The following FBXL7 variants were observed in gnomAD, a reference collection of about 807,000 sequenced individuals.
The protein encoded by FBXL7 is F-box and leucine rich repeat protein 7.
In FBXL7, 12 loss-of-function variants were observed where a neutral mutation model predicts 38.3. That is an observed-to-expected ratio of 0.31 (90% CI 0.20 to 0.51). The LOEUF is 0.51. FBXL7 is among the 20% of genes least tolerant of loss of function. FBXL7 has a pLI of 0.98. For missense variants in FBXL7, 567 were observed against 676.4 expected, an observed-to-expected ratio of 0.84 and a Z score of 1.79; for synonymous variants, 297 against 300.9, an observed-to-expected ratio of 0.99 and a Z score of 0.13.
chr5:15,558,052 C>T (rs935718356), intron 1 of FBXL7, among the ~76,000 whole-genome samples: 11 of 151,936 alleles, frequency 7.2e-5, no homozygotes, highest in South Asian at 2.1e-4. Flanking sequence ...TTTGGGGTGA[C>T]GGCAAATTTT....
At chr5:15,785,356 G>A (rs1400783644) in intron 2 of FBXL7, among the ~76,000 whole-genome samples, 2 of 152,074 alleles carry the variant, frequency 1.3e-5, no homozygotes, top group African/African-American at 4.8e-5. Flanking sequence ...ATTCACGTGT[G>A]CACACCTACA....
chr5:15,797,785 T>C (rs1218735184), intron 2 of FBXL7, among the ~76,000 whole-genome samples: 2 of 148,904 alleles, frequency 1.3e-5, no homozygotes, highest in African/African-American at 4.8e-5. Context: ...ATTTCAGTAA[T>C]AGCCTACAAT....
chr5:15,745,143 G>A (rs930016156), intron 2 of FBXL7, among the ~76,000 whole-genome samples: 3 of 151,902 alleles, frequency 2.0e-5, no homozygotes, highest in African/African-American at 4.8e-5. Context: ...TTTCTCCATA[G>A]TTAACTTTTT....
chr5:15,763,420 A>G (rs1044785820), intron 2 of FBXL7, among the ~76,000 whole-genome samples: 17 of 152,350 alleles, frequency 1.1e-4, no homozygotes, highest in African/African-American at 3.8e-4. Flanking sequence ...AAGAAGATAC[A>G]GGCTGCAAAT....
At position 15,928,443 on chromosome 5, in the gene FBXL7, C is replaced by T. The variant is rs758178946; in HGVS notation, c.681C>T (p.Asn227=). 5.6e-6 allele frequency: 9 copies of T among 1,613,890 alleles called. No individual in the cohort carries two copies. Among genetic ancestry groups the T allele is most frequent in the Admixed American group, 3.3e-5 (2 of 60,012 alleles). The change falls in exon 3 of 4, where the codon AAC becomes AAT. Residue 227 remains asparagine (N), a synonymous_variant. Coordinates refer to ENST00000504595, the MANE Select transcript of FBXL7 (RefSeq NM_012304.5). The surrounding 1 kb of genome is among the most constrained non-coding windows in gnomAD (Gnocchi z 4.0). ...TCTCAGGCTGTTACAATATCTCCAA[C>T]GAGGCCGTCTTTGATGTGGTGTCCC... The part of the protein sequence containing the change: ...LEVSGCYNIS[N]EAVFDVVSLC...
intron 2 of FBXL7, among the ~76,000 whole-genome samples, chr5:15,641,895 A>G (rs1177027691): frequency 2.6e-5 from 4 of 151,316 alleles, no homozygotes; most frequent in Non-Finnish European, 4.4e-5. Context: ...AATACATTTT[A>G]TATTATAGAT....
At chr5:15,924,871 C>T (rs2126452541) in intron 2 of FBXL7, among the ~76,000 whole-genome samples, 1 of 152,278 alleles carries the variant, frequency 6.6e-6, no homozygotes, top group East Asian at 1.9e-4. Flanking sequence ...AAGTGATCCA[C>T]CCACCTCAGC....
intron 2 of FBXL7, among the ~76,000 whole-genome samples, chr5:15,783,272 A>G (rs539124775): frequency 5.9e-5 from 9 of 152,300 alleles, no homozygotes; most frequent in African/African-American, 1.9e-4. Flanking sequence ...CACTGTCATA[A>G]TTTCCGGCAA....
intron 2 of FBXL7, among the ~76,000 whole-genome samples, chr5:15,898,098 C>G (rs1401786073): frequency 6.6e-6 from 1 of 152,172 alleles, no homozygotes; most frequent in Non-Finnish European, 1.5e-5. Context: ...CTATGAAGAT[C>G]TGTCTTCAGC....
intron 2 of FBXL7, among the ~76,000 whole-genome samples, chr5:15,620,646 G>C (rs914768746): frequency 6.6e-6 from 1 of 152,080 alleles, no homozygotes; most frequent in African/African-American, 2.4e-5. Context: ...TATAGAGCAG[G>C]GTTGCACGCT....
chr5:15,741,198 G>C (rs1210550043), intron 2 of FBXL7, among the ~76,000 whole-genome samples: 1 of 152,118 alleles, frequency 6.6e-6, no homozygotes, highest in Non-Finnish European at 1.5e-5. Context: ...GTCTAATCTT[G>C]TGTATTTTAT....
At chr5:15,525,673 C>G (rs961431384) in intron 1 of FBXL7, among the ~76,000 whole-genome samples, 8 of 152,100 alleles carry the variant, frequency 5.3e-5, no homozygotes, top group African/African-American at 1.9e-4. Context: ...CACAGGCATG[C>G]ATCTGTAGCC....
chr5:15,869,589 C>A (rs1369948464), intron 2 of FBXL7, among the ~76,000 whole-genome samples: 1 of 152,070 alleles, frequency 6.6e-6, no homozygotes, highest in Admixed American at 6.5e-5. Flanking sequence ...AATAGCAGAT[C>A]CCTAAGCAGG....
chr5:15,543,324 G>T (rs534817379), intron 1 of FBXL7, among the ~76,000 whole-genome samples: 2 of 152,230 alleles, frequency 1.3e-5, no homozygotes, highest in East Asian at 3.9e-4. Context: ...CATCATATCT[G>T]TGAGACTTAC....
At chr5:15,644,328 G>T (rs1490291413) in intron 2 of FBXL7, among the ~76,000 whole-genome samples, 2 of 127,876 alleles carry the variant, frequency 1.6e-5, no homozygotes, top group South Asian at 2.6e-4. Context: ...AAAAAAAAAA[G>T]GCCAGGCGTG....
At chr5:15,744,884 G>A (rs1735975446) in intron 2 of FBXL7, among the ~76,000 whole-genome samples, 1 of 152,012 alleles carries the variant, frequency 6.6e-6, no homozygotes, top group African/African-American at 2.4e-5. Flanking sequence ...GAGCAAAAAG[G>A]GGAAAGCCCC....
chr5:15,508,260 A>G (rs1393610514), intron 1 of FBXL7, among the ~76,000 whole-genome samples: 1 of 152,190 alleles, frequency 6.6e-6, no homozygotes, highest in Non-Finnish European at 1.5e-5. Flanking sequence ...GAGTGGTTGT[A>G]TGGGTACTCA....
At chr5:15,845,268 T>C (rs1738862746) in intron 2 of FBXL7, among the ~76,000 whole-genome samples, 1 of 152,234 alleles carries the variant, frequency 6.6e-6, no homozygotes, top group Non-Finnish European at 1.5e-5. Context: ...ATGCGGTGAA[T>C]TGACTGTTTC....
chr5:15,705,454 T>C (rs573903102), intron 2 of FBXL7, among the ~76,000 whole-genome samples: 1 of 152,300 alleles, frequency 6.6e-6, no homozygotes, highest in East Asian at 1.9e-4. Flanking sequence ...AGTGAGTGAA[T>C]GTACTTCAGA....
Sources: gnomAD v4.1 joint callset for allele counts (sites outside exome capture counted in the v4.1 genomes callset) on GRCh38, gnomAD v4.1.1 for gene constraint, Gnocchi (gnomAD v3.1) non-coding constraint, MANE v1.5 for transcripts, NCBI Gene and HGNC (gene_info 2026-07-23, HGNC 2026-07-21) for gene names.